Variants in ZFHX4 observed in about 807,000 individuals in gnomAD.
ZFHX4 encodes the protein zinc finger homeobox 4, also known as zinc finger homeobox protein 4.
In ZFHX4, 56 loss-of-function variants were observed where a neutral mutation model predicts 267.6. That is an observed-to-expected ratio of 0.21 (90% CI 0.17 to 0.26). The LOEUF is 0.26. Among genes scored for constraint, ZFHX4 ranks in the 10% least tolerant of loss-of-function variants. The probability of loss-of-function intolerance (pLI) is 1.00; values close to 1 mark genes in which losing one functional copy is unlikely to be tolerated. For synonymous variants in ZFHX4, 1,778 were observed against 1,665.6 expected (o/e 1.07, Z -1.64); for missense variants, 4,332 against 4,420.0 (o/e 0.98, Z 0.56).
Position 76,833,323 on chromosome 8 carries a change from T to G in ZFHX4, c.3326-15T>G, listed in dbSNP as rs778742511. ...ATGGCATGCTGATTACCTTTCACTC[T>G]GATGTCTTCTGCAGAAACTGCCTCA... is the stretch of plus-strand genomic sequence containing the variant. On this transcript the variant is annotated splice_polypyrimidine_tract_variant and intron_variant, in intron 4 of 10. Transcript: ENST00000651372. The G allele has an allele frequency of 6.2e-7, 1 of 1,607,854 alleles. No individual in the cohort carries two copies. Among genetic ancestry groups the G allele is most frequent in the Non-Finnish European group, 8.5e-7 (1 of 1,176,492 alleles).
chr8:76,776,451 T>A (rs1810403553), intron 3 of ZFHX4, among the ~76,000 whole-genome samples: 1 of 152,078 alleles, frequency 6.6e-6, no homozygotes, highest in African/African-American at 2.4e-5. Context: ...TCCTGGCTTG[T>A]CTCTTCCCTT....
chr8:76,710,184 T>C (rs960121038), intron 3 of ZFHX4, among the ~76,000 whole-genome samples: 4 of 152,206 alleles, frequency 2.6e-5, no homozygotes, highest in Non-Finnish European at 5.9e-5. Context: ...CTTGAATTAA[T>C]AGAAGATTGA....
At position 76,854,742 on chromosome 8, in the gene ZFHX4, C is replaced by T; in HGVS notation, c.7821C>T (p.Arg2607=). 2 of 1,612,392 alleles carry T rather than the reference C, an allele frequency of 1.2e-6. No homozygotes were observed. The highest frequency in any genetic ancestry group is 1.7e-6 in the Non-Finnish European group (2 of 1,179,138). Reference sequence around the variant, plus strand: ...GTGAAGACCAACACCGAGATAAACGCTTGAGAACCACGATCACCCCGGAAC... The same window carrying T: ...GTGAAGACCAACACCGAGATAAACGTTTGAGAACCACGATCACCCCGGAAC... ...NSGEDQHRDK[R]LRTTITPEQL... The change falls in exon 10 of 11, where the codon CGC becomes CGT. Residue 2607 remains arginine (R), a synonymous_variant. Coordinates refer to ENST00000651372, the MANE Select transcript of ZFHX4 (RefSeq NM_024721.5).
At chr8:76,697,541 C>A (rs950822777) in intron 1 of ZFHX4, among the ~76,000 whole-genome samples, 1 of 151,868 alleles carries the variant, frequency 6.6e-6, no homozygotes, top group African/African-American at 2.4e-5. Flanking sequence ...TTTATAAATT[C>A]CAAAAATGAT....
At chr8:76,803,255 CGT>C (rs1271550250) in intron 4 of ZFHX4, among the ~76,000 whole-genome samples, 1 of 150,578 alleles carries the variant, frequency 6.6e-6, no homozygotes, top group Admixed American at 6.7e-5. Context: ...TGTGCATGCG[CGT>C]GTGTGCGTGT....
chr8:76,807,345 C>A (rs934568646), intron 4 of ZFHX4, among the ~76,000 whole-genome samples: 12 of 151,886 alleles, frequency 7.9e-5, no homozygotes, highest in African/African-American at 2.7e-4. Context: ...CTTTTGTATC[C>A]ATAGTGGATA....
At chr8:76,736,554 T>A (rs752061246) in intron 3 of ZFHX4, among the ~76,000 whole-genome samples, 1 of 151,854 alleles carries the variant, frequency 6.6e-6, no homozygotes, top group Non-Finnish European at 1.5e-5. Context: ...AAGAGAAATA[T>A]AGTGTGAAAA....
chr8:76,854,976 A>C lies in ZFHX4; in HGVS notation c.8055A>C (p.Lys2685Asn). ...GTCCGTTTTGCCGAGCCCTGTTTAA[A>C]GCAAAGTCGGCCTTAGAAAGCCACA... is the stretch of plus-strand genomic sequence containing the variant. Reference protein sequence around the residue: ...KRCPFCRALFKAKSALESHIR... With the variant: ...KRCPFCRALFNAKSALESHIR... The change falls in exon 10 of 11, where the codon AAA (lysine) becomes AAC (asparagine). Residue 2685 changes from lysine (K) to asparagine (N), a missense_variant. Coordinates refer to ENST00000651372, the MANE Select transcript of ZFHX4 (RefSeq NM_024721.5). The C allele has an allele frequency of 6.2e-7, 1 of 1,614,024 alleles. No individual in the cohort carries two copies. Among genetic ancestry groups the C allele is most frequent in the Non-Finnish European group, 8.5e-7 (1 of 1,179,892 alleles).
intron 3 of ZFHX4, among the ~76,000 whole-genome samples, chr8:76,733,027 G>A (rs1180136097): frequency 6.6e-6 from 1 of 152,048 alleles, no homozygotes; most frequent in African/African-American, 2.4e-5. Context: ...GAGAGGCCTG[G>A]AATCATATAT....
intron 3 of ZFHX4, among the ~76,000 whole-genome samples, chr8:76,740,087 G>A (rs62516834): frequency 2.3e-4 from 35 of 152,254 alleles, no homozygotes; most frequent in Non-Finnish European, 4.6e-4. Context: ...GAAGAGAATT[G>A]TTGAATGCTA....
intron 3 of ZFHX4, among the ~76,000 whole-genome samples, chr8:76,756,111 T>C (rs1006623480): frequency 2.0e-5 from 3 of 152,210 alleles, no homozygotes; most frequent in African/African-American, 7.2e-5. Flanking sequence ...TTAAGTACAG[T>C]TGTCTTAGTG....
intron 4 of ZFHX4, among the ~76,000 whole-genome samples, chr8:76,808,129 T>A (rs1454828019): frequency 6.6e-6 from 1 of 152,134 alleles, no homozygotes; most frequent in African/African-American, 2.4e-5. Context: ...TAGCTACCAT[T>A]GATTATAATA....
At chr8:76,750,719 G>GT (rs1387990347) in intron 3 of ZFHX4, among the ~76,000 whole-genome samples, 1 of 151,842 alleles carries the variant, frequency 6.6e-6, no homozygotes. Flanking sequence ...TCTTCAACAA[G>GT]TTTTTATTAA....
Position 76,855,618 on chromosome 8 carries a change from C to G in ZFHX4, c.8697C>G (p.Ser2899Arg). 1 of 1,613,744 alleles carries G rather than the reference C, an allele frequency of 6.2e-7. No individual in the cohort carries two copies. Among genetic ancestry groups the G allele is most frequent in the Non-Finnish European group, 8.5e-7 (1 of 1,179,776 alleles). ...ACCCGGATGACAACGCCGACCGCAG[C>G]GAAACGTCCAGCATAGCGGACCCGA... is the stretch of plus-strand genomic sequence containing the variant. ...TDDPDDNADR[S>R]ETSSIADPSS... Residue 2899 changes from serine to arginine, a missense_variant, in exon 10 of 11, where the codon AGC (serine) becomes AGG (arginine). Physicochemically the swap from Ser to Arg is moderately radical, Grantham distance 110. Around this residue, in one of 7 missense-constraint regions of ZFHX4, gnomAD observed 1,648 missense variants for 1,625.0 expected, o/e 1.01. Transcript: ENST00000651372.
chr8:76,717,293 C>T (rs75156554), intron 3 of ZFHX4, among the ~76,000 whole-genome samples: 5,120 of 152,244 alleles, frequency 0.034, 109 homozygotes, highest in East Asian at 0.1. Context: ...TAATACACTC[C>T]TTTCCTCTCT....
chr8:76,829,869 TAA>T (rs1811887946), intron 4 of ZFHX4, among the ~76,000 whole-genome samples: 1 of 152,224 alleles, frequency 6.6e-6, no homozygotes, highest in South Asian at 2.1e-4. Context: ...TTTGTAGATG[TAA>T]CCATTTGGGT....
At chr8:76,759,211 A>C (rs892009046) in intron 3 of ZFHX4, among the ~76,000 whole-genome samples, 1 of 152,186 alleles carries the variant, frequency 6.6e-6, no homozygotes, top group African/African-American at 2.4e-5. Flanking sequence ...ATTTCAGCCA[A>C]ATTATATATT....
chr8:76,791,018 G>A (rs1008881780), intron 4 of ZFHX4, among the ~76,000 whole-genome samples: 3 of 152,042 alleles, frequency 2.0e-5, no homozygotes, highest in Non-Finnish European at 4.4e-5. Flanking sequence ...TAAAATTAAA[G>A]CAAAAAACTT....
At chr8:76,806,491 T>C (rs1254914353) in intron 4 of ZFHX4, among the ~76,000 whole-genome samples, 1 of 152,098 alleles carries the variant, frequency 6.6e-6, no homozygotes, top group African/African-American at 2.4e-5. Flanking sequence ...TTTTAAGAGG[T>C]GTAAATCTGG....
Sources: allele counts gnomAD v4.1 joint callset (sites outside exome capture counted in the v4.1 genomes callset), GRCh38; gene constraint gnomAD v4.1.1; regional missense constraint gnomAD v4.1.1; transcripts MANE v1.5; gene names NCBI Gene and HGNC (gene_info 2026-07-23, HGNC 2026-07-21).